Variants in MCF2L observed in about 807,000 individuals in gnomAD.
MCF2L encodes the protein guanine nucleotide exchange factor DBS.
In MCF2L, 97 loss-of-function variants were observed where a neutral mutation model predicts 153.4. The observed-to-expected ratio is 0.63, with a 90% CI of 0.54 to 0.75. The LOEUF is 0.75. MCF2L is among the 30% of genes least tolerant of loss of function. MCF2L has a pLI of 0.00. For missense variants in MCF2L, 1,347 were observed against 1,495.2 expected (o/e 0.90, Z 1.64); for synonymous variants, 659 against 632.2 (o/e 1.04, Z -0.64).
At chr13:112,950,234 A>T (rs1423014074) in intron 2 of MCF2L, among the ~76,000 whole-genome samples, 2 of 152,250 alleles carry the variant, frequency 1.3e-5, no homozygotes, top group African/African-American at 2.4e-5. Context: ...CTGATGAGAG[A>T]AATCAAGGAA....
At chr13:113,020,782 G>A (rs986077012) in intron 2 of MCF2L, among the ~76,000 whole-genome samples, 18 of 104,542 alleles carry the variant, frequency 1.7e-4, no homozygotes, top group Admixed American at 2.7e-4. Flanking sequence ...ATGTGTAGCT[G>A]TGTGTATGTG....
At chr13:112,929,382 A>T (rs2081439198) in intron 2 of MCF2L, among the ~76,000 whole-genome samples, 2 of 152,156 alleles carry the variant, frequency 1.3e-5, no homozygotes, top group South Asian at 4.1e-4. Flanking sequence ...CGCTGTCAGC[A>T]GTTTGGTCTT....
In MCF2L at chr13:113,038,723, A is replaced by C. The variant is rs534926346; in HGVS notation, c.279-6548A>C. ...ACCCAACTTTGAAGAAAAAAGTTGA[A>C]AGCTGATACTGCCAAATATTAAGAC... is the stretch of plus-strand genomic sequence containing the variant. On this transcript the variant is annotated intron_variant, in intron 3 of 29. Coordinates refer to ENST00000535094, the MANE Select transcript of MCF2L (RefSeq NM_001112732.3). Among the ~76,000 whole-genome samples the C allele has an allele frequency of 2.0e-5, 3 of 152,330 alleles. No individual in the cohort carries two copies. The South Asian group carries it at 6.2e-4, about 32-fold the overall frequency.
At chr13:113,062,346 G>T (rs1449868627) in intron 5 of MCF2L, among the ~76,000 whole-genome samples, 1 of 152,070 alleles carries the variant, frequency 6.6e-6, no homozygotes, top group Non-Finnish European at 1.5e-5. Context: ...TCTCGTGGTG[G>T]CTTGTGCAGC....
chr13:112,948,646 G>A (rs1345320055), intron 2 of MCF2L, among the ~76,000 whole-genome samples: 1 of 152,168 alleles, frequency 6.6e-6, no homozygotes, highest in Non-Finnish European at 1.5e-5. Flanking sequence ...TAGAAAATAG[G>A]AAAAGTCTCA....
At chr13:113,078,082 C>G (rs1183403907) in intron 13 of MCF2L, among the ~76,000 whole-genome samples, 1 of 140,406 alleles carries the variant, frequency 7.1e-6, no homozygotes. Context: ...CAAGTCCTGC[C>G]CACGCCACCA....
intron 2 of MCF2L, among the ~76,000 whole-genome samples, chr13:113,017,004 C>A (rs928425204): frequency 6.6e-6 from 1 of 152,218 alleles, no homozygotes; most frequent in African/African-American, 2.4e-5. Context: ...TGGCACACCA[C>A]GCTGTTCTCA....
intron 2 of MCF2L, among the ~76,000 whole-genome samples, chr13:112,931,100 G>GTCC (rs1398071330): frequency 6.6e-6 from 1 of 152,226 alleles, no homozygotes; most frequent in African/African-American, 2.4e-5. Flanking sequence ...GAGGTTCAGA[G>GTCC]TCCTGGCTGT....
chr13:113,048,367 G>T (rs1192736876), intron 4 of MCF2L, among the ~76,000 whole-genome samples: 1 of 151,644 alleles, frequency 6.6e-6, no homozygotes, highest in Non-Finnish European at 1.5e-5. Context: ...ACAGAAGCCA[G>T]CATTTTCCAG....
chr13:113,081,575 A>C (rs897665736), intron 16 of MCF2L, among the ~76,000 whole-genome samples: 28 of 152,380 alleles, frequency 1.8e-4, no homozygotes, highest in African/African-American at 6.7e-4. Flanking sequence ...CACAGGCCAC[A>C]GGGTGCCTGC....
At position 113,097,172 on chromosome 13, in the gene MCF2L, GGGACGCGC is replaced by G. The variant is rs528574090; in HGVS notation, c.*318_*325del. 30 of 270,722 alleles carry G rather than the reference GGGACGCGC, an allele frequency of 1.1e-4. 1 individual carries two copies. The South Asian group carries it at 4.9e-3, about 44-fold the overall frequency. 16.8% of individuals were successfully genotyped at this position (270,722 alleles called of 1,614,324 possible). ...TTCTGCCTCTGGACGGTGCTTTCAG[GGGACGCGC>G]GGACCGTGGTGGAGCTGCTTCCGGA... is the stretch of plus-strand genomic sequence containing the variant. On this transcript the variant is annotated 3_prime_UTR_variant, in exon 30 of 30. Transcript: ENST00000535094.
chr13:112,987,148 G>T (rs983142230), intron 1 of MCF2L, among the ~76,000 whole-genome samples: 1 of 152,132 alleles, frequency 6.6e-6, no homozygotes, highest in African/African-American at 2.4e-5. Flanking sequence ...TCCTTCACCC[G>T]GCTGCAGGGC....
intron 4 of MCF2L, among the ~76,000 whole-genome samples, chr13:113,051,440 C>T (rs1250715972): frequency 6.6e-6 from 1 of 152,188 alleles, no homozygotes; most frequent in Non-Finnish European, 1.5e-5. Flanking sequence ...TCTATTTAAA[C>T]GACTGTCCTT....
upstream of MCF2L, chr13:112,968,362 C>G (rs891741366): frequency 1.4e-6 from 2 of 1,439,618 alleles, no homozygotes; most frequent in Non-Finnish European, 1.9e-6. Context: ...TGCATATGGC[C>G]CTGTGATGGC....
At chr13:112,968,928 A>G (rs2081949335), upstream of MCF2L, 1 of 547,510 alleles carries the variant, frequency 1.8e-6, no homozygotes, top group Non-Finnish European at 3.0e-6. Context: ...ACGAATTTCT[A>G]GGTGACCTGT....
intron 2 of MCF2L, among the ~76,000 whole-genome samples, chr13:112,916,934 C>T (rs77211324): frequency 0.016 from 2,422 of 152,234 alleles, 57 homozygotes; most frequent in African/African-American, 0.05. Context: ...GCCTTCCTGC[C>T]GGACCTCTGA....
chr13:112,996,669 T>C (rs1261261857), intron 1 of MCF2L, among the ~76,000 whole-genome samples: 1 of 152,206 alleles, frequency 6.6e-6, no homozygotes, highest in Non-Finnish European at 1.5e-5. Context: ...CCTTCTTGGA[T>C]GCGCCCGATG....
chr13:112,947,823 T>C (rs1356230425), intron 2 of MCF2L, among the ~76,000 whole-genome samples: 1 of 152,146 alleles, frequency 6.6e-6, no homozygotes, highest in South Asian at 2.1e-4. Context: ...CACTAGGCAT[T>C]GCCCTGGTGG....
intron 1 of MCF2L, among the ~76,000 whole-genome samples, chr13:112,971,372 C>T (rs1245160219): frequency 6.6e-6 from 1 of 152,118 alleles, no homozygotes; most frequent in East Asian, 1.9e-4. Flanking sequence ...TGCTAGGATC[C>T]GTGCCAGGTA....
Sources: allele counts gnomAD v4.1 joint callset (sites outside exome capture counted in the v4.1 genomes callset), GRCh38; gene constraint gnomAD v4.1.1; transcripts MANE v1.5; gene names NCBI Gene and HGNC (gene_info 2026-07-23, HGNC 2026-07-21).